Variants in NLGN3 observed in about 807,000 individuals in gnomAD.
The protein encoded by NLGN3 is neuroligin-3.
NLGN3 carries 11 observed loss-of-function variants against 42.9 expected under a neutral mutation model. That is an observed-to-expected ratio of 0.26 (90% CI 0.16 to 0.42). NLGN3 has a LOEUF of 0.42. Among genes scored for constraint, NLGN3 ranks in the 10% least tolerant of loss-of-function variants. NLGN3 has a pLI of 1.00. For missense variants in NLGN3, 374 were observed against 733.8 expected (o/e 0.51, Z 5.67); for synonymous variants, 279 against 312.7 (o/e 0.89, Z 1.14).
chrX:71,168,869 G>GAAAGAAAGAAAGAAAGAA (rs375278513), intron 7 of NLGN3, among the ~76,000 whole-genome samples: 1 of 71,370 alleles, frequency 1.4e-5, no homozygotes, highest in Non-Finnish European at 2.6e-5. Context: ...AAGAAAGAAA[G>GAAAGAAAGAAAGAAAGAA]AGAAAGAAAA....
At position 71,147,681 on chromosome X, in the gene NLGN3, G is replaced by A; in HGVS notation, c.-69G>A. ...AGGTTCAAGTCAGTGTGGCCATGAA[G>A]GGGCTGCCTATTGGGCTGATGCTGT... On this transcript the variant is annotated 5_prime_UTR_variant, in exon 2 of 8. Coordinates refer to ENST00000358741, the MANE Select transcript of NLGN3 (RefSeq NM_181303.2). 2 of 960,323 alleles carry A rather than the reference G, an allele frequency of 2.1e-6. No homozygotes were observed. The highest frequency in any genetic ancestry group is 1.9e-5 in the African/African-American group (1 of 52,789). The allele number at this position is 960,323 out of a possible 1,213,427, so 79.1% of individuals were successfully genotyped here.
rs760986527 is a variant in NLGN3, at chrX:71,167,243, C to T, written c.1146C>T (p.Val382=). ...TTGGCCCTGTGATTGATGGTGATGT[C>T]ATTCCTGATGACCCTGAGATCCTCA... ...VAFGPVIDGD[V]IPDDPEILME... The change falls in exon 7 of 8, where the codon GTC becomes GTT. Residue 382 remains valine, a synonymous_variant. Transcript: ENST00000358741. The T allele has an allele frequency of 6.6e-6, 8 of 1,211,834 alleles. No homozygotes were observed. The South Asian group carries it at 1.4e-4, about 21-fold the overall frequency.
Position 71,169,710 on chromosome X carries a change from C to T in NLGN3, c.2160C>T (p.Phe720=), listed in dbSNP as rs761562177. The T allele has an allele frequency of 5.0e-6, 6 of 1,210,465 alleles. No individual in the cohort carries two copies. Among genetic ancestry groups the T allele is most frequent in the Middle Eastern group, 2.3e-4 (1 of 4,374 alleles). Residue 720 remains phenylalanine, a synonymous_variant, in exon 8 of 8, where the codon TTC becomes TTT. Coordinates refer to ENST00000358741, the MANE Select transcript of NLGN3 (RefSeq NM_181303.2). The part of the protein sequence containing the change: ...VTIAVGASLL[F]LNVLAFAALY... ...TCGCCGTGGGGGCCTCCCTCCTGTTCCTTAACGTTCTGGCCTTCGCTGCCC... is the reference window on the plus strand; with the variant it reads ...TCGCCGTGGGGGCCTCCCTCCTGTTTCTTAACGTTCTGGCCTTCGCTGCCC...
At chrX:71,155,071 C>A in intron 4 of NLGN3, 143 bp from the exon 5 acceptor site, 1 of 625,959 alleles carries the variant, frequency 1.6e-6, no homozygotes, top group South Asian at 2.4e-5. Flanking sequence ...GGTTGAGCAA[C>A]CCCATGAGTC....
chrX:71,147,166 G>T (rs2092373703), intron 1 of NLGN3, among the ~76,000 whole-genome samples: 1 of 111,426 alleles, frequency 9.0e-6, no homozygotes, highest in Non-Finnish European at 1.9e-5. Context: ...GGTCCCAAGG[G>T]CTACACAGCT....
chrX:71,167,559 G>A lies in NLGN3; in HGVS notation c.1462G>A (p.Val488Met), dbSNP rs778034706. Residue 488 changes from valine to methionine, a missense_variant, in exon 7 of 8, where the codon GTG (valine) becomes ATG (methionine). By Grantham distance (21) the Val-to-Met change is conservative (BLOSUM62 1). Coordinates refer to ENST00000358741, the MANE Select transcript of NLGN3 (RefSeq NM_181303.2). ...TGACCACCAGTGGGTGGAGCCCTCA[G>A]TGGTGACAGCCGATCTGCATGCCCG... is the stretch of plus-strand genomic sequence containing the variant. ...FTDHQWVEPS[V>M]VTADLHARYG... 8.3e-7 allele frequency: 1 copy of A among 1,211,635 alleles called. No homozygotes were observed.
chrX:71,172,634 G>GTA (rs781375144), downstream of NLGN3, among the ~76,000 whole-genome samples: 2 of 109,500 alleles, frequency 1.8e-5, no homozygotes, highest in South Asian at 7.9e-4. Flanking sequence ...ATGCGTGTGT[G>GTA]TGTGTGTGTG....
intron 7 of NLGN3, 150 bp from the exon 8 acceptor site, chrX:71,169,104 C>A: frequency 1.7e-6 from 1 of 582,607 alleles, no homozygotes; most frequent in Admixed American, 3.0e-5. Flanking sequence ...GGGGAAGAAG[C>A]AGGTGTGGGC....
intron 4 of NLGN3, among the ~76,000 whole-genome samples, chrX:71,154,011 A>T (rs1158826528): frequency 3.6e-5 from 4 of 111,288 alleles, no homozygotes; most frequent in Non-Finnish European, 7.6e-5. Flanking sequence ...GGCAGTGACA[A>T]CCAAAGGGGC....
intron 1 of NLGN3, among the ~76,000 whole-genome samples, chrX:71,146,153 TCACACACACACACACACAGACACACA>T (rs1272754748): frequency 7.6e-5 from 2 of 26,345 alleles, no homozygotes; most frequent in Non-Finnish European, 1.4e-4. Context: ...TCTCTCTCTC[TCACACACACACACACACAGACACACA>T]CACACACACA....
chrX:71,146,151 T>TCACACACACACACA (rs1400594479), intron 1 of NLGN3, among the ~76,000 whole-genome samples: 1 of 31,058 alleles, frequency 3.2e-5, no homozygotes, highest in East Asian at 6.8e-4. Context: ...TCTCTCTCTC[T>TCACACACACACACA]CTCACACACA....
Position 71,147,642 on chromosome X carries a change from A to C in NLGN3, c.-108A>C. 4 of 662,504 alleles carry C rather than the reference A, an allele frequency of 6.0e-6. No homozygotes were observed. Among genetic ancestry groups the C allele is most frequent in the East Asian group, 3.5e-5 (1 of 28,458 alleles). The allele number at this position is 662,504 out of a possible 1,213,427, so 54.6% of individuals were successfully genotyped here. A position where few individuals can be genotyped will look rare whatever the true frequency, so the allele number is the denominator to read the frequency against. On this transcript the variant is annotated 5_prime_UTR_variant, in exon 2 of 8. Transcript: ENST00000358741. ...GCTGGGCACCTGTAGGTGTCCCTCG[A>C]GAGCTCAGTTTTGAGGTTCAAGTCA...
chrX:71,170,635 G>C lies in NLGN3; in HGVS notation c.*538G>C, dbSNP rs1471786988. Reference sequence around the variant, plus strand: ...CCATGAGTGCTAAGAGCCTCTGGAAGGGAGGGCTTCAGGCCCGAAGGTCTC... The same window carrying C: ...CCATGAGTGCTAAGAGCCTCTGGAACGGAGGGCTTCAGGCCCGAAGGTCTC... On this transcript the variant is annotated 3_prime_UTR_variant, in exon 8 of 8. Transcript: ENST00000358741. 2 of 773,815 alleles carry C rather than the reference G, an allele frequency of 2.6e-6. No individual in the cohort carries two copies. The highest frequency in any genetic ancestry group is 2.5e-4 in the East Asian group (2 of 7,952). 63.8% of individuals were successfully genotyped at this position (773,815 alleles called of 1,213,427 possible).
chrX:71,147,802 T>C lies in NLGN3; in HGVS notation c.53T>C (p.Val18Ala), dbSNP rs1193269621. 2 of 1,208,426 alleles carry C rather than the reference T, an allele frequency of 1.7e-6. No individual in the cohort carries two copies. Among genetic ancestry groups the C allele is most frequent in the Non-Finnish European group, 2.2e-6 (2 of 894,668 alleles). Residue 18 changes from valine (V) to alanine (A), a missense_variant, in exon 2 of 8, where the codon GTT becomes GCT. By Grantham distance (64) the Val-to-Ala change is moderately conservative. Coordinates refer to ENST00000358741, the MANE Select transcript of NLGN3 (RefSeq NM_181303.2). The stretch of plus-strand genomic sequence containing the variant: ...CTGTCCCTGAGCCCCAAGCCCACGG[T>C]TGGCAGGAGCCTGTGCCTCACCCTG... Reference protein sequence around the residue: ...PSLSLSPKPTVGRSLCLTLWF... With the variant: ...PSLSLSPKPTAGRSLCLTLWF...
chrX:71,165,497 G>T (rs146439077), intron 6 of NLGN3, among the ~76,000 whole-genome samples: 4,391 of 110,863 alleles, frequency 0.04, 101 homozygotes, highest in Non-Finnish European at 0.056. Context: ...TCTCATAGGG[G>T]GCCTGTGTCT....
downstream of NLGN3, among the ~76,000 whole-genome samples, chrX:71,171,993 G>A (rs182136681): frequency 1.4e-3 from 153 of 111,928 alleles, no homozygotes; most frequent in Admixed American, 2.3e-3. Flanking sequence ...CTGATAAAAT[G>A]AGGGAGATGA....
At position 71,167,321 on chromosome X, in the gene NLGN3, C is replaced by T. The variant is rs759995790; in HGVS notation, c.1224C>T (p.Gly408=). 8 of 1,209,421 alleles carry T rather than the reference C, an allele frequency of 6.6e-6. No individual in the cohort carries two copies. Among genetic ancestry groups the T allele is most frequent in the Non-Finnish European group, 1.1e-6 (1 of 894,863 alleles). ...ACATCATGCTAGGTGTCAACCAGGG[C>T]GAGGGTCTCAAGTTTGTGGAAGGGG... ...NYDIMLGVNQ[G]EGLKFVEGVV... is the part of the protein sequence containing the mutation. Residue 408 remains glycine (G), a synonymous_variant, in exon 7 of 8, where the codon GGC becomes GGT. Transcript: ENST00000358741.
intron 1 of NLGN3, among the ~76,000 whole-genome samples, chrX:71,146,884 G>A (rs1224121925): frequency 9.0e-6 from 1 of 111,564 alleles, no homozygotes; most frequent in Non-Finnish European, 1.9e-5. Context: ...TCTGGAATTC[G>A]GTGTGAATTA....
At chrX:71,160,604 G>A in intron 5 of NLGN3, among the ~76,000 whole-genome samples, 1 of 112,207 alleles carries the variant, frequency 8.9e-6, no homozygotes, top group South Asian at 3.7e-4. Flanking sequence ...AAGGCAGAGG[G>A]GTAGCTATTA....
Sources: allele counts gnomAD v4.1 joint callset (sites outside exome capture counted in the v4.1 genomes callset), GRCh38; gene constraint gnomAD v4.1.1; transcripts MANE v1.5; gene names NCBI Gene and HGNC (gene_info 2026-07-23, HGNC 2026-07-21).